Variants in TRMT2B observed in about 807,000 individuals in gnomAD.
TRMT2B encodes the protein tRNA (uracil-5-)-methyltransferase homolog B.
Under a neutral mutation model 39.7 loss-of-function variants are expected in TRMT2B, and 34 were observed. The ratio of observed to expected loss-of-function variants is 0.86; its 90% confidence interval spans 0.65 to 1.14. The LOEUF (loss-of-function observed/expected upper bound fraction) is 1.14. Among genes scored for constraint, TRMT2B ranks in the 50% most tolerant of loss-of-function variants. TRMT2B has a pLI of 0.00. For missense variants in TRMT2B, 318 were observed against 377.2 expected, an observed-to-expected ratio of 0.84 and a Z score of 1.30; for synonymous variants, 132 against 137.3, an observed-to-expected ratio of 0.96 and a Z score of 0.27.
chrX:101,043,380 GC>G (rs920788801), intron 2 of TRMT2B, among the ~76,000 whole-genome samples: 1 of 111,908 alleles, frequency 8.9e-6, no homozygotes, highest in East Asian at 2.8e-4. Flanking sequence ...GACCAGCCTG[GC>G]CAACATGGTG....
At chrX:100,988,867 T>TATGAGATAATATATCTA in the TRMT2B span, among the ~76,000 whole-genome samples, 1 of 98,412 alleles carries the variant, frequency 1.0e-5, no homozygotes, top group African/African-American at 3.9e-5. Flanking sequence ...TATATATATA[T>TATGAGATAATATATCTA]ATATATATAT....
chrX:101,029,407 T>C (rs993335439), intron 7 of TRMT2B, among the ~76,000 whole-genome samples: 1 of 111,173 alleles, frequency 9.0e-6, no homozygotes, highest in Non-Finnish European at 1.9e-5. Context: ...TTCTTTCTCA[T>C]AAATAAGTAA....
At chrX:100,984,046 G>A in the TRMT2B span, among the ~76,000 whole-genome samples, 7 of 110,874 alleles carry the variant, frequency 6.3e-5, no homozygotes, top group African/African-American at 2.3e-4. Flanking sequence ...AGGCTAGAAC[G>A]GTCAGTTCAA....
chrX:101,029,423 AAAATT>A (rs1280111193), intron 7 of TRMT2B, among the ~76,000 whole-genome samples: 1 of 111,268 alleles, frequency 9.0e-6, no homozygotes, highest in Non-Finnish European at 1.9e-5. Flanking sequence ...AGTAATAATT[AAAATT>A]AAATTAAATT....
the TRMT2B span, chrX:100,990,337 GA>G: frequency 3.9e-5 from 36 of 915,350 alleles, no homozygotes; most frequent in Non-Finnish European, 4.3e-5. Context: ...TTTCAACAGA[GA>G]AAGTAAAAGA....
Position 101,045,640 on chromosome X carries a change from C to A in TRMT2B, c.-23-3328G>T, listed in dbSNP as rs190984654. Among the ~76,000 whole-genome samples, 159 of 82,190 alleles carry A rather than the reference C, an allele frequency of 1.9e-3. 2 individuals are homozygous for A. Among genetic ancestry groups the A allele is most frequent in the African/African-American group, 5.1e-3 (105 of 20,631 alleles). 71.4% of individuals were successfully genotyped at this position (82,190 alleles called of 115,157 possible). On this transcript the variant is annotated intron_variant, in intron 2 of 13. Coordinates refer to ENST00000372936, the MANE Select transcript of TRMT2B (RefSeq NM_024917.6). ...CAAAACAAACAAACAAACAAACAAA[C>A]AAAAAAAATTAGCTAGGCATGGTGG...
At chrX:101,012,775 A>G (rs1345201109) in intron 13 of TRMT2B, among the ~76,000 whole-genome samples, 1 of 110,742 alleles carries the variant, frequency 9.0e-6, no homozygotes, top group Non-Finnish European at 1.9e-5. Context: ...ATAAAAAATG[A>G]TGAGTTCATG....
intron 2 of TRMT2B, 141 bp from the exon 3 acceptor site, chrX:101,042,453 G>A (rs2088297526): frequency 3.2e-6 from 2 of 625,630 alleles, no homozygotes; most frequent in South Asian, 7.2e-5. Flanking sequence ...AGCCTGTTGA[G>A]CAGAACTGAA....
chrX:101,037,513 T>C lies in TRMT2B; in HGVS notation c.438+404A>G, dbSNP rs878870589. ...CCCTGCCATAAATTAAATTCCACTC[T>C]TCTGAGGCCACATTAGAAAGGTTTC... On this transcript the variant is annotated intron_variant, in intron 5 of 13. Transcript: ENST00000372936. 4 of 162,687 alleles carry C rather than the reference T, an allele frequency of 2.5e-5. 1 individual carries two copies. The Admixed American group carries it at 3.0e-4, about 12-fold the overall frequency. The allele number at this position is 162,687 out of a possible 1,213,427, so 13.4% of individuals were successfully genotyped here. A position where few individuals can be genotyped will look rare whatever the true frequency, so the allele number is the denominator to read the frequency against.
chrX:101,049,574 A>T (rs2088923471), intron 2 of TRMT2B, among the ~76,000 whole-genome samples: 1 of 107,358 alleles, frequency 9.3e-6, no homozygotes, highest in African/African-American at 3.4e-5. Flanking sequence ...AGGGTGGATC[A>T]CTTGAGGTTA....
At chrX:100,985,586 T>A in the TRMT2B span, 64,992 of 1,102,391 alleles carry the variant, frequency 0.059, 1,594 homozygotes, top group Non-Finnish European at 0.069. Context: ...CTGCATGAAA[T>A]CGGAACCGAC....
chrX:101,029,339 C>A (rs968599681), intron 7 of TRMT2B, among the ~76,000 whole-genome samples: 1 of 111,315 alleles, frequency 9.0e-6, no homozygotes, highest in African/African-American at 3.3e-5. Flanking sequence ...CTGATCCATG[C>A]ACTGTAGGAT....
At chrX:101,037,323 T>C in intron 5 of TRMT2B, 1 of 355,080 alleles carries the variant, frequency 2.8e-6, no homozygotes, top group Non-Finnish European at 4.9e-6. Flanking sequence ...TTTAGGGCTT[T>C]GCAGGCCATA....
the TRMT2B span, among the ~76,000 whole-genome samples, chrX:100,982,069 A>C: frequency 2.7e-5 from 3 of 110,999 alleles, no homozygotes; most frequent in South Asian, 1.2e-3. Context: ...CAGGTGTCCT[A>C]AATGAGGACA....
intron 2 of TRMT2B, among the ~76,000 whole-genome samples, chrX:101,049,602 T>C (rs2088927268): frequency 9.3e-6 from 1 of 107,943 alleles, no homozygotes; most frequent in African/African-American, 3.4e-5. Context: ...GAGACCAGCC[T>C]GGCCAACACG....
At chrX:101,006,153 C>T (rs2086100346), downstream of TRMT2B, among the ~76,000 whole-genome samples, 1 of 109,775 alleles carries the variant, frequency 9.1e-6, no homozygotes, top group Non-Finnish European at 1.9e-5. Flanking sequence ...ACCCAGGAGG[C>T]GGAGAGGCGG....
chrX:101,019,635 C>CT (rs1160894269), intron 11 of TRMT2B, among the ~76,000 whole-genome samples: 5 of 102,918 alleles, frequency 4.9e-5, no homozygotes, highest in Admixed American at 1.1e-4. Flanking sequence ...GTGTTTACAC[C>CT]TTTTTTTTTT....
chrX:101,010,839 C>T (rs1470951227), intron 13 of TRMT2B, 132 bp from the exon 14 acceptor site: 8 of 563,379 alleles, frequency 1.4e-5, no homozygotes, highest in Non-Finnish European at 2.1e-5. Flanking sequence ...CAGCATTTAT[C>T]TTATTTAATA....
chrX:101,018,446 T>A (rs946942989), intron 13 of TRMT2B, among the ~76,000 whole-genome samples: 6 of 108,799 alleles, frequency 5.5e-5, no homozygotes, highest in Non-Finnish European at 1.2e-4. Context: ...TTAACACTTT[T>A]TTTTTTTTTT....
Sources: allele counts gnomAD v4.1 joint callset (sites outside exome capture counted in the v4.1 genomes callset), GRCh38; gene constraint gnomAD v4.1.1; transcripts MANE v1.5; gene names NCBI Gene and HGNC (gene_info 2026-07-23, HGNC 2026-07-21).